Variants in FAM167A observed in about 807,000 individuals in gnomAD.
FAM167A encodes the protein protein FAM167A.
FAM167A carries 23 observed loss-of-function variants against 14.9 expected under a neutral mutation model. The ratio of observed to expected loss-of-function variants is 1.55; its 90% CI spans 1.11 to 2.19. The LOEUF is 2.19. Among genes scored for constraint, FAM167A ranks in the 30% most tolerant of loss-of-function variants. The pLI is 0.00. For missense variants in FAM167A, 401 were observed against 281.5 expected, an observed-to-expected ratio of 1.42 and a Z score of -3.04; for synonymous variants, 174 against 117.7, an observed-to-expected ratio of 1.48 and a Z score of -3.10.
At chr8:11,459,973 C>G (rs1286875246) in intron 1 of FAM167A, among the ~76,000 whole-genome samples, 1 of 152,246 alleles carries the variant, frequency 6.6e-6, no homozygotes, top group Admixed American at 6.5e-5. Context: ...GGTGATCTGC[C>G]TGCCTCGGCC....
chr8:11,430,804 C>G (rs953348325), intron 2 of FAM167A, among the ~76,000 whole-genome samples: 1 of 151,996 alleles, frequency 6.6e-6, no homozygotes, highest in Non-Finnish European at 1.5e-5. Context: ...GAAGAAGGAC[C>G]CAGAGAGGAA....
intron 2 of FAM167A, among the ~76,000 whole-genome samples, chr8:11,442,112 G>A (rs983382298): frequency 2.6e-5 from 4 of 152,164 alleles, no homozygotes; most frequent in African/African-American, 9.7e-5. Context: ...CTGCTCTGCT[G>A]TTGGCCTATG....
At chr8:11,447,906 T>G (rs1374469632) in intron 1 of FAM167A, among the ~76,000 whole-genome samples, 2 of 152,210 alleles carry the variant, frequency 1.3e-5, no homozygotes, top group Non-Finnish European at 2.9e-5. Context: ...TAAAAAGTTC[T>G]AAGAATTGGC....
intron 1 of FAM167A, among the ~76,000 whole-genome samples, chr8:11,474,899 G>A (rs569339818): frequency 1.3e-3 from 196 of 151,862 alleles, no homozygotes; most frequent in Non-Finnish European, 2.3e-3. Flanking sequence ...CAGCGAAGGC[G>A]ACATGAAGGA....
chr8:11,433,361 C>G (rs570128417), intron 2 of FAM167A, among the ~76,000 whole-genome samples: 14 of 152,228 alleles, frequency 9.2e-5, no homozygotes, highest in African/African-American at 2.6e-4. Context: ...CCCTTTCCAA[C>G]AAAAGTCTTA....
chr8:11,469,843 G>A (rs184167115), upstream of FAM167A, among the ~76,000 whole-genome samples: 18 of 151,908 alleles, frequency 1.2e-4, no homozygotes, highest in Admixed American at 2.6e-4. Context: ...TTGCACCACC[G>A]CACTCCAGCC....
At chr8:11,434,232 C>T (rs573001006) in intron 2 of FAM167A, 72 of 152,366 alleles carry the variant, frequency 4.7e-4, no homozygotes, top group African/African-American at 1.7e-3. Flanking sequence ...GGAGCTGAAG[C>T]TGACTCTCCT....
At chr8:11,456,122 GGTGGTTGCCTTGCTGTGTGTGTGTGTGAA>G (rs1807273990) in intron 1 of FAM167A, among the ~76,000 whole-genome samples, 1 of 66,416 alleles carries the variant, frequency 1.5e-5, no homozygotes, top group East Asian at 4.5e-4. Flanking sequence ...GAATGTGGGA[GGTGGTTGCCTTGCTGTGTGTGTGTGTGAA>G]TGTGGGGGGT....
rs199960477 is a variant in FAM167A, at chr8:11,444,102, G to C, written c.310C>G (p.Pro104Ala). The C allele has an allele frequency of 1.6e-5, 26 of 1,613,536 alleles. No individual in the cohort carries two copies. In the African/African-American group the frequency reaches 3.3e-4, roughly 21 times the overall value. Residue 104 changes from proline (P) to alanine (A), a missense_variant, in exon 2 of 3, where the codon CCC becomes GCC. By Grantham distance (27) the Pro-to-Ala change is conservative (BLOSUM62 -1). Transcript: ENST00000284486. ...SARSASQGAR[P>A]LSTGKLEGFQ... ...CCTTCCAGCTTGCCAGTGGACAGGG[G>C]TCTGGCACCTTGGCTGGCACTCCTG...
rs780492324 is a variant in FAM167A, at chr8:11,438,246, C to T, written c.381+5785G>A. 5.1e-5 allele frequency: 21 copies of T among 415,006 alleles called. 1 individual carries two copies. The highest frequency in any genetic ancestry group is 3.2e-4 in the South Asian group (18 of 56,434). 25.7% of individuals were successfully genotyped at this position (415,006 alleles called of 1,614,324 possible). A position where few individuals can be genotyped will look rare whatever the true frequency, so the allele number is the denominator to read the frequency against. On this transcript the variant is annotated intron_variant, in intron 2 of 2. Transcript: ENST00000284486. Reference sequence around the variant, plus strand: ...GCTGTGGGGATCCTCCAACTCCCTTCTCCTTGACCCTGCAAGACAGCCAGG... The same window carrying T: ...GCTGTGGGGATCCTCCAACTCCCTTTTCCTTGACCCTGCAAGACAGCCAGG...
intron 1 of FAM167A, among the ~76,000 whole-genome samples, chr8:11,448,726 T>C (rs1226307804): frequency 2.0e-5 from 3 of 152,186 alleles, no homozygotes; most frequent in Non-Finnish European, 4.4e-5. Flanking sequence ...CCCTCTCTGC[T>C]CACATTGTGA....
rs1421155545 is a variant in FAM167A at position 11,444,522 on chromosome 8, G to C, written c.-111C>G. 2.7e-6 allele frequency: 4 copies of C among 1,478,264 alleles called. No homozygotes were observed. Among genetic ancestry groups the C allele is most frequent in the Non-Finnish European group, 3.6e-6 (4 of 1,121,574 alleles). The allele number at this position is 1,478,264 out of a possible 1,614,324, so 91.6% of individuals were successfully genotyped here. A position where few individuals can be genotyped will look rare whatever the true frequency, so the allele number is the denominator to read the frequency against. ...CTGGGATGGCCTCATCCAGGTGCCCGAGGGCATTTCCGGGACAGGAGCCGG... is the reference window on the plus strand; with the variant it reads ...CTGGGATGGCCTCATCCAGGTGCCCCAGGGCATTTCCGGGACAGGAGCCGG... On this transcript the variant is annotated 5_prime_UTR_variant, in exon 2 of 3. Coordinates refer to ENST00000284486, the MANE Select transcript of FAM167A (RefSeq NM_053279.3).
intron 2 of FAM167A, among the ~76,000 whole-genome samples, chr8:11,436,856 T>A (rs963479593): frequency 2.0e-5 from 3 of 152,090 alleles, no homozygotes; most frequent in African/African-American, 7.2e-5. Context: ...TAGGAAGGTG[T>A]CAGTAGGCTG....
chr8:11,446,346 T>G (rs1237443123), intron 1 of FAM167A: 1 of 152,160 alleles, frequency 6.6e-6, no homozygotes, highest in Non-Finnish European at 1.5e-5. Context: ...GGGGCATCCA[T>G]GGAGAATGAG....
At chr8:11,443,749 AG>A (rs1021079127) in intron 2 of FAM167A, 13 of 368,806 alleles carry the variant, frequency 3.5e-5, no homozygotes, top group Non-Finnish European at 5.0e-5. Flanking sequence ...TGTTGGGGGG[AG>A]GGGGGTACAC....
chr8:11,468,285 T>C (rs1807850875), upstream of FAM167A, among the ~76,000 whole-genome samples: 1 of 152,230 alleles, frequency 6.6e-6, no homozygotes, highest in Non-Finnish European at 1.5e-5. Context: ...TGTCCGTCTC[T>C]AGGGCCTTGT....
intron 2 of FAM167A, among the ~76,000 whole-genome samples, chr8:11,440,341 C>T (rs1806359421): frequency 1.3e-5 from 2 of 152,212 alleles, no homozygotes; most frequent in Admixed American, 6.5e-5. Flanking sequence ...AACACATTAG[C>T]CTGAAGGAAA....
chr8:11,437,786 TTTA>T (rs1214141822), intron 2 of FAM167A, among the ~76,000 whole-genome samples: 3 of 152,076 alleles, frequency 2.0e-5, no homozygotes, highest in Non-Finnish European at 4.4e-5. Context: ...AGGAATTGAG[TTTA>T]TTATTATAGA....
chr8:11,449,167 C>A (rs949390517), intron 1 of FAM167A, among the ~76,000 whole-genome samples: 27 of 152,236 alleles, frequency 1.8e-4, no homozygotes, highest in African/African-American at 6.0e-4. Flanking sequence ...TCCTGGTCGT[C>A]AGTGTTTGGG....
Sources: gnomAD v4.1 joint callset for allele counts (sites outside exome capture counted in the v4.1 genomes callset) on GRCh38, gnomAD v4.1.1 for gene constraint, MANE v1.5 for transcripts, NCBI Gene and HGNC (gene_info 2026-07-23, HGNC 2026-07-21) for gene names.